RSBN1L: variants seen among roughly 807,000 people sequenced by gnomAD.
The protein encoded by RSBN1L is round spermatid basic protein 1 like.
RSBN1L carries 30 observed loss-of-function variants against 67.7 expected under a neutral mutation model. The ratio of observed to expected loss-of-function variants is 0.44; its 90% CI spans 0.33 to 0.60. The LOEUF (loss-of-function observed/expected upper bound fraction) is 0.60, where lower values mean the gene tolerates loss of function less well. Ranked by LOEUF, RSBN1L falls within the 20% of genes least tolerant of loss-of-function variation. RSBN1L has a pLI of 0.02. For synonymous variants in RSBN1L, 433 were observed against 387.0 expected, an observed-to-expected ratio of 1.12 and a Z score of -1.39; for missense variants, 992 against 1,031.7, an observed-to-expected ratio of 0.96 and a Z score of 0.53.
rs1791991226 is a variant in RSBN1L, at chr7:77,780,987, G to A, written c.*1819G>A. The stretch of plus-strand genomic sequence containing the variant: ...ATACTTTGGTTGATGACTTTCAATT[G>A]GGGTTCTTTGTGCTGCCTTTTGGGT... On this transcript the variant is annotated 3_prime_UTR_variant, in exon 8 of 8. Transcript: ENST00000334955. The A allele has an allele frequency of 6.6e-6, 1 of 152,194 alleles. No homozygotes were observed. The highest frequency in any genetic ancestry group is 6.5e-5 in the Admixed American group (1 of 15,284). 9.4% of individuals were successfully genotyped at this position (152,194 alleles called of 1,614,324 possible).
chr7:77,743,409 C>T (rs897809040), intron 2 of RSBN1L, among the ~76,000 whole-genome samples: 5 of 150,898 alleles, frequency 3.3e-5, no homozygotes, highest in African/African-American at 7.3e-5. Flanking sequence ...GACCAGCCTG[C>T]GCAACATAGT....
At position 77,779,155 on chromosome 7, in the gene RSBN1L, A is replaced by C. The variant is rs1465918851; in HGVS notation, c.2528A>C (p.Asp843Ala). 6.3e-7 allele frequency: 1 copy of C among 1,580,088 alleles called. No homozygotes were observed. The highest frequency in any genetic ancestry group is 8.6e-7 in the Non-Finnish European group (1 of 1,168,020). ...TCAAATCAAGATAAAAAAGACGATGACATTTTGTGCTAAATTTGCATATAC... is the reference window on the plus strand; with the variant it reads ...TCAAATCAAGATAAAAAAGACGATGCCATTTTGTGCTAAATTTGCATATAC... ...AHSNQDKKDDDILC is the reference protein window; with the variant it reads ...AHSNQDKKDDAILC The change falls in exon 8 of 8, where the codon GAC (aspartate) becomes GCC (alanine). Residue 843 changes from aspartate to alanine, a missense_variant. Asp to Ala is a moderately radical substitution (Grantham distance 126, BLOSUM62 -2). Coordinates refer to ENST00000334955, the MANE Select transcript of RSBN1L (RefSeq NM_198467.3).
intron 1 of RSBN1L, among the ~76,000 whole-genome samples, chr7:77,704,495 A>G (rs754970837): frequency 3.9e-5 from 6 of 152,168 alleles, no homozygotes; most frequent in Non-Finnish European, 8.8e-5. Flanking sequence ...TACAAAAGAA[A>G]CCAGTATACA....
At chr7:77,723,552 G>A (rs1399309610) in intron 1 of RSBN1L, among the ~76,000 whole-genome samples, 2 of 151,934 alleles carry the variant, frequency 1.3e-5, no homozygotes, top group South Asian at 2.1e-4. Context: ...CACTGCAGCC[G>A]TGACCTGCTG....
intron 1 of RSBN1L, among the ~76,000 whole-genome samples, chr7:77,725,862 G>A (rs1378416537): frequency 6.6e-6 from 1 of 152,138 alleles, no homozygotes; most frequent in Non-Finnish European, 1.5e-5. Flanking sequence ...GGGATTACAG[G>A]CAAGAGCCAC....
intron 1 of RSBN1L, among the ~76,000 whole-genome samples, chr7:77,725,699 C>T (rs1490764623): frequency 6.6e-6 from 1 of 151,842 alleles, no homozygotes; most frequent in East Asian, 1.9e-4. Context: ...TCAAGCAGTT[C>T]TCCTGCCTCA....
chr7:77,748,492 AT>A (rs1791512732), intron 2 of RSBN1L, among the ~76,000 whole-genome samples: 1 of 151,866 alleles, frequency 6.6e-6, no homozygotes, highest in South Asian at 2.1e-4. Flanking sequence ...TTTTTTCTTT[AT>A]TTTTTTCTTT....
intron 3 of RSBN1L, among the ~76,000 whole-genome samples, chr7:77,763,260 C>T (rs752486072): frequency 4.1e-5 from 6 of 146,700 alleles, no homozygotes; most frequent in Non-Finnish European, 7.4e-5. Context: ...ATTACAGTTT[C>T]GTGTCACCAC....
chr7:77,761,465 T>C (rs1260444933), intron 3 of RSBN1L, among the ~76,000 whole-genome samples: 1 of 152,246 alleles, frequency 6.6e-6, no homozygotes, highest in Non-Finnish European at 1.5e-5. Flanking sequence ...TCTGGCATAG[T>C]CTGGATAGGT....
chr7:77,738,368 G>A (rs1016618397), intron 2 of RSBN1L, among the ~76,000 whole-genome samples: 17 of 152,138 alleles, frequency 1.1e-4, no homozygotes, highest in Admixed American at 1.3e-4. Context: ...ATTTTGAACC[G>A]AGTTAAACTG....
intron 1 of RSBN1L, among the ~76,000 whole-genome samples, chr7:77,731,772 T>A (rs543323339): frequency 5.2e-4 from 79 of 152,244 alleles, no homozygotes; most frequent in African/African-American, 1.8e-3. Context: ...TAAAAAGTCA[T>A]TGCCAAAATC....
intron 3 of RSBN1L, among the ~76,000 whole-genome samples, chr7:77,763,533 T>C (rs1791722769): frequency 6.6e-6 from 1 of 152,228 alleles, no homozygotes; most frequent in African/African-American, 2.4e-5. Context: ...ACTGAATTTC[T>C]TACTGTGCTG....
chr7:77,703,476 G>GTTT (rs1562792479), intron 1 of RSBN1L, among the ~76,000 whole-genome samples: 4 of 101,554 alleles, frequency 3.9e-5, no homozygotes, highest in African/African-American at 1.4e-4. Context: ...CTACTGTTTG[G>GTTT]GTTTTTTTTT....
chr7:77,721,123 C>A (rs1791114081), intron 1 of RSBN1L, among the ~76,000 whole-genome samples: 2 of 151,832 alleles, frequency 1.3e-5, no homozygotes, highest in Non-Finnish European at 2.9e-5. Context: ...AAGGGAGATA[C>A]AAAGAGGAGA....
At chr7:77,767,013 T>C (rs191564933) in intron 4 of RSBN1L, among the ~76,000 whole-genome samples, 39 of 147,600 alleles carry the variant, frequency 2.6e-4, no homozygotes, top group African/African-American at 8.4e-4. Flanking sequence ...TCCTTTCCTT[T>C]CCTTCCCCTT....
chr7:77,752,644 A>C (rs1162419946), intron 3 of RSBN1L, among the ~76,000 whole-genome samples: 1 of 152,172 alleles, frequency 6.6e-6, no homozygotes, highest in Non-Finnish European at 1.5e-5. Context: ...TTATTTAGTA[A>C]ACTTTTTATT....
intron 1 of RSBN1L, among the ~76,000 whole-genome samples, chr7:77,721,220 A>C (rs908958122): frequency 6.7e-6 from 1 of 150,310 alleles, no homozygotes; most frequent in African/African-American, 2.5e-5. Flanking sequence ...CATTGTTGGT[A>C]ATTTTGTTTT....
In RSBN1L at chr7:77,724,740, A is replaced by C. The variant is rs1448916230; in HGVS notation, c.587-11670A>C. On this transcript the variant is annotated intron_variant, in intron 1 of 7. Coordinates refer to ENST00000334955, the MANE Select transcript of RSBN1L (RefSeq NM_198467.3). ...TGCGCCCGGCCATGAATCCCTTTCT[A>C]TTGTAGAAGTTTCAAATAATTTAGG... Among the ~76,000 whole-genome samples, 14 of 144,108 alleles carry C rather than the reference A, an allele frequency of 9.7e-5. No individual in the cohort carries two copies. In the East Asian group the frequency reaches 1.1e-3, roughly 11 times the overall value. The allele number at this position is 144,108 out of a possible 152,430, so 94.5% of individuals were successfully genotyped here.
chr7:77,716,992 G>A (rs1791057986), intron 1 of RSBN1L, among the ~76,000 whole-genome samples: 1 of 146,592 alleles, frequency 6.8e-6, no homozygotes, highest in Non-Finnish European at 1.5e-5. Flanking sequence ...ACAGGGTCTT[G>A]CTCTGTTGCC....
Sources: allele counts gnomAD v4.1 joint callset (sites outside exome capture counted in the v4.1 genomes callset), GRCh38; gene constraint gnomAD v4.1.1; transcripts MANE v1.5; gene names NCBI Gene and HGNC (gene_info 2026-07-23, HGNC 2026-07-21).